The following BRINP1 variants were observed in gnomAD, a reference collection of about 807,000 sequenced individuals.
BRINP1 encodes BMP/retinoic acid inducible neural specific 1, also known as BMP/retinoic acid-inducible neural-specific protein 1.
In BRINP1, 17 loss-of-function variants were observed where a neutral mutation model predicts 72.9. The ratio of observed to expected loss-of-function variants is 0.23; its 90% CI spans 0.16 to 0.35. BRINP1 has a LOEUF of 0.35. Among genes scored for constraint, BRINP1 ranks in the 10% least tolerant of loss-of-function variants. The pLI is 1.00. For synonymous variants in BRINP1, 418 were observed against 378.5 expected, an observed-to-expected ratio of 1.10 and a Z score of -1.21; for missense variants, 850 against 1,001.6, an observed-to-expected ratio of 0.85 and a Z score of 2.04.
chr9:119,336,253 G>A (rs953988826), intron 1 of BRINP1, among the ~76,000 whole-genome samples: 6 of 152,180 alleles, frequency 3.9e-5, no homozygotes, highest in Non-Finnish European at 7.3e-5. Flanking sequence ...CCCACAGCTA[G>A]TTAATGGCAG....
Position 119,344,644 on chromosome 9 carries a change from A to C in BRINP1, c.-51+24412T>G, listed in dbSNP as rs572879464. On this transcript the variant is annotated intron_variant, in intron 1 of 7. Transcript: ENST00000265922. ...ATGGATTTCCAAGATGCTCTAGTTA[A>C]AATGCTTACCTGATACCCAGTGCTG... 2.0e-5 allele frequency among the ~76,000 whole-genome samples: 3 copies of C among 152,334 alleles called. No homozygotes were observed. The East Asian group carries it at 5.8e-4, about 29-fold the overall frequency.
chr9:119,300,859 C>T (rs1289859277), intron 2 of BRINP1, among the ~76,000 whole-genome samples: 2 of 152,202 alleles, frequency 1.3e-5, no homozygotes, highest in African/African-American at 4.8e-5. Flanking sequence ...ATTACCTACA[C>T]CTTCTTTCTT....
rs1332446 is a variant in BRINP1, at chr9:119,181,209, A to G, written c.1146-12985T>C. On this transcript the variant is annotated intron_variant, in intron 7 of 7. Coordinates refer to ENST00000265922, the MANE Select transcript of BRINP1 (RefSeq NM_014618.3). Reference sequence around the variant, plus strand: ...CAAGAGTGGTTTATTCTTCTTGGGCAGTAGTTAGACTGTATAATAACAGAC... The same window carrying G: ...CAAGAGTGGTTTATTCTTCTTGGGCGGTAGTTAGACTGTATAATAACAGAC... 1.5e-3 allele frequency among the ~76,000 whole-genome samples: 231 copies of G among 152,318 alleles called. 1 individual carries two copies. Among genetic ancestry groups the G allele is most frequent in the Admixed American group, 5.8e-3 (88 of 15,302 alleles).
chr9:119,218,103 T>G (rs1829998667), intron 5 of BRINP1, among the ~76,000 whole-genome samples: 1 of 152,110 alleles, frequency 6.6e-6, no homozygotes, highest in South Asian at 2.1e-4. Flanking sequence ...GAGTAGGCTC[T>G]AGGGAAGAAG....
At chr9:119,305,718 C>T (rs1034777629) in intron 2 of BRINP1, among the ~76,000 whole-genome samples, 4 of 152,296 alleles carry the variant, frequency 2.6e-5, no homozygotes, top group Middle Eastern at 3.4e-3. Flanking sequence ...CCATTCCCTA[C>T]ACCCACAGAG....
chr9:119,257,344 C>G (rs1297394022), intron 2 of BRINP1, among the ~76,000 whole-genome samples: 3 of 152,158 alleles, frequency 2.0e-5, no homozygotes, highest in Admixed American at 1.3e-4. Context: ...AAGCACTATT[C>G]ATACACGATT....
At chr9:119,360,130 T>C (rs949841814) in intron 1 of BRINP1, among the ~76,000 whole-genome samples, 1 of 152,184 alleles carries the variant, frequency 6.6e-6, no homozygotes, top group Non-Finnish European at 1.5e-5. Flanking sequence ...TTATAAGCTC[T>C]CTCAGTCCTC....
At position 119,214,070 on chromosome 9, in the gene BRINP1, C is replaced by T. The variant is rs369905431; in HGVS notation, c.771G>A (p.Glu257=). ...LSYIMCNGEG[E]YLCQNSQCRC... is the part of the protein sequence containing the mutation. ...GACACTGGCTGTTCTGGCACAGGTA[C>T]TCCCCCTCCCCATTGCACATGATAT... Residue 257 remains glutamate (E), a synonymous_variant, in exon 6 of 8, where the codon GAG becomes GAA. Transcript: ENST00000265922. The T allele has an allele frequency of 8.1e-6, 13 of 1,614,046 alleles. No homozygotes were observed. The highest frequency in any genetic ancestry group is 6.7e-5 in the East Asian group (3 of 44,884).
At chr9:119,276,455 T>C (rs774430293) in intron 2 of BRINP1, among the ~76,000 whole-genome samples, 2 of 152,262 alleles carry the variant, frequency 1.3e-5, no homozygotes, top group Non-Finnish European at 2.9e-5. Context: ...GATCATTTTG[T>C]ATCTTTTAAC....
In BRINP1 at chr9:119,166,925, A is replaced by AGAAC; in HGVS notation, c.*155_*158dup. 1 of 771,196 alleles carries AGAAC rather than the reference A, an allele frequency of 1.3e-6. No individual in the cohort carries two copies. 47.8% of individuals were successfully genotyped at this position (771,196 alleles called of 1,614,324 possible). On this transcript the variant is annotated 3_prime_UTR_variant, in exon 8 of 8. Coordinates refer to ENST00000265922, the MANE Select transcript of BRINP1 (RefSeq NM_014618.3). ...TGCCCAACGCTTTTATACAGTTGCT[A>AGAAC]GAACGTTTTCATTTCCAACAAATGA...
rs367836662 is a variant in BRINP1, at chr9:119,167,486, T to C, written c.1884A>G (p.Leu628=). 1.0e-4 allele frequency: 165 copies of C among 1,613,902 alleles called. No individual in the cohort carries two copies. Among genetic ancestry groups the C allele is most frequent in the Non-Finnish European group, 1.4e-4 (163 of 1,180,002 alleles). Residue 628 remains leucine (L), a synonymous_variant, in exon 8 of 8, where the codon CTA becomes CTG. Coordinates refer to ENST00000265922, the MANE Select transcript of BRINP1 (RefSeq NM_014618.3). This position sits in a 1 kb window ranked among gnomAD's most constrained non-coding sequence, Gnocchi z 4.3. ...GGCCCTGGCCAGTCTCATTTCGCAG[T>C]AGGGTAGGTAGCCGAGTCCGACTAC... ...YLRSRTRLPT[L]LRNETGQGPV...
chr9:119,313,720 C>T (rs954486384), intron 1 of BRINP1, among the ~76,000 whole-genome samples: 1 of 152,146 alleles, frequency 6.6e-6, no homozygotes, highest in African/African-American at 2.4e-5. Context: ...GGTGAGCTTA[C>T]GAGCCTGTAT....
At position 119,364,655 on chromosome 9, in the gene BRINP1, G is replaced by A. The variant is rs187758092; in HGVS notation, c.-51+4401C>T. 3.5e-3 allele frequency among the ~76,000 whole-genome samples: 529 copies of A among 152,322 alleles called. 13 individuals carry two copies. The highest frequency in any genetic ancestry group is 0.029 in the Admixed American group (447 of 15,300). On this transcript the variant is annotated intron_variant, in intron 1 of 7. Transcript: ENST00000265922. ...AGAAGGAAGACAGTTTCAAATTCTA[G>A]CTGTGATGGTTGTGTGACCTTGATC...
intron 1 of BRINP1, among the ~76,000 whole-genome samples, chr9:119,323,967 GAA>G (rs1385049756): frequency 6.6e-6 from 1 of 152,126 alleles, no homozygotes; most frequent in Non-Finnish European, 1.5e-5. Flanking sequence ...ATTTTCACCT[GAA>G]AAAATTATGG....
At chr9:119,206,045 G>T (rs1038741068) in intron 7 of BRINP1, among the ~76,000 whole-genome samples, 3 of 152,054 alleles carry the variant, frequency 2.0e-5, no homozygotes, top group African/African-American at 7.2e-5. Flanking sequence ...TGGAGACAGG[G>T]TCTTTAAAGT....
At chr9:119,175,137 A>C (rs1016230538) in intron 7 of BRINP1, among the ~76,000 whole-genome samples, 9 of 147,182 alleles carry the variant, frequency 6.1e-5, no homozygotes, top group Non-Finnish European at 1.3e-4. Flanking sequence ...AAAAAAGACA[A>C]AAAAAAAAAG....
At chr9:119,336,947 G>A (rs1405034415) in intron 1 of BRINP1, among the ~76,000 whole-genome samples, 1 of 152,142 alleles carries the variant, frequency 6.6e-6, no homozygotes, top group South Asian at 2.1e-4. Context: ...ACGGAAATGG[G>A]ATGGGGAAGC....
At chr9:119,181,743 A>T (rs1829560620) in intron 7 of BRINP1, among the ~76,000 whole-genome samples, 1 of 152,198 alleles carries the variant, frequency 6.6e-6, no homozygotes, top group African/African-American at 2.4e-5. Flanking sequence ...GAATGCTGTC[A>T]CCAAGATACT....
intron 7 of BRINP1, among the ~76,000 whole-genome samples, chr9:119,206,679 T>C (rs921599206): frequency 1.3e-5 from 2 of 152,124 alleles, no homozygotes; most frequent in Non-Finnish European, 2.9e-5. Flanking sequence ...CTAATACATA[T>C]GGGGTCTGAT....
Sources: allele counts gnomAD v4.1 joint callset (sites outside exome capture counted in the v4.1 genomes callset), GRCh38; gene constraint gnomAD v4.1.1; non-coding constraint Gnocchi (gnomAD v3.1); transcripts MANE v1.5; gene names NCBI Gene and HGNC (gene_info 2026-07-23, HGNC 2026-07-21).